PVR: variants seen among roughly 807,000 people sequenced by gnomAD.
PVR encodes poliovirus receptor.
In PVR, 39 loss-of-function variants were observed where a neutral mutation model predicts 43.3. The ratio of observed to expected loss-of-function variants is 0.90; its 90% CI spans 0.70 to 1.18. The LOEUF is 1.18. Among genes scored for constraint, PVR ranks in the 50% most tolerant of loss-of-function variants. PVR has a pLI of 0.00. For missense variants in PVR, 480 were observed against 549.7 expected, an observed-to-expected ratio of 0.87 and a Z score of 1.27; for synonymous variants, 224 against 233.2, an observed-to-expected ratio of 0.96 and a Z score of 0.36.
chr19:44,647,638 C>G (rs1215433283), intron 2 of PVR, 68 bp downstream of exon 2: 1 of 1,358,386 alleles, frequency 7.4e-7, no homozygotes, highest in Non-Finnish European at 1.0e-6. Flanking sequence ...GGGAAGTTGG[C>G]AAAGAGCGGG....
At chr19:44,657,110 G>A (rs562223079) in intron 4 of PVR, among the ~76,000 whole-genome samples, 60 of 152,272 alleles carry the variant, frequency 3.9e-4, no homozygotes, top group Admixed American at 1.8e-3. Context: ...TGAGCTCTGC[G>A]GGTGCCTAGG....
intron 1 of PVR, 99 bp from the exon 2 acceptor site, chr19:44,647,124 G>T: frequency 2.3e-6 from 1 of 438,770 alleles, no homozygotes; most frequent in Non-Finnish European, 3.5e-6. Flanking sequence ...CAGGGCCCCA[G>T]CGTGCAAGTG....
At position 44,648,567 on chromosome 19, in the gene PVR, G is replaced by C. The variant is rs575782280; in HGVS notation, c.427+997G>C. Among the ~76,000 whole-genome samples the C allele has an allele frequency of 7.2e-5, 11 of 152,058 alleles. No homozygotes were observed. In the South Asian group the frequency reaches 1.5e-3, roughly 20 times the overall value. On this transcript the variant is annotated intron_variant, in intron 2 of 7. Coordinates refer to ENST00000425690, the MANE Select transcript of PVR (RefSeq NM_006505.5). ...GTGATCATAGTAGGTCCTCACTGCA[G>C]CCTGGAACTCCTGGGCTCAAGGGAT...
chr19:44,647,241 C>A lies in PVR; in HGVS notation c.98C>A (p.Ala33Glu). ...PPGTGDVVVQ[A>E]PTQVPGFLGD... ...TCCGCAGGGGACGTCGTCGTGCAGG[C>A]GCCCACCCAGGTGCCCGGCTTCTTG... is the stretch of plus-strand genomic sequence containing the variant. The change falls in exon 2 of 8, where the codon GCG (alanine) becomes GAG (glutamate). Residue 33 changes from alanine (A) to glutamate (E), a missense_variant. Coordinates refer to ENST00000425690, the MANE Select transcript of PVR (RefSeq NM_006505.5). The A allele has an allele frequency of 6.5e-7, 1 of 1,546,302 alleles. No homozygotes were observed. The highest frequency in any genetic ancestry group is 8.7e-7 in the Non-Finnish European group (1 of 1,142,876).
intron 7 of PVR, 92 bp from the exon 8 acceptor site, chr19:44,661,648 C>T (rs1010273888): frequency 2.6e-6 from 3 of 1,147,420 alleles, no homozygotes; most frequent in Non-Finnish European, 3.9e-6. Context: ...AGGGGACGGG[C>T]CTGCAGTTCT....
At chr19:44,652,129 C>T (rs1973297946) in intron 3 of PVR, among the ~76,000 whole-genome samples, 1 of 152,186 alleles carries the variant, frequency 6.6e-6, no homozygotes, top group Admixed American at 6.5e-5. Context: ...GCACTCCAGC[C>T]TGGGCAGCAG....
chr19:44,658,808 T>C lies in PVR; in HGVS notation c.1058T>C (p.Leu353Pro), dbSNP rs1568505785. The C allele has an allele frequency of 1.2e-6, 2 of 1,613,934 alleles. No individual in the cohort carries two copies. The highest frequency in any genetic ancestry group is 1.1e-5 in the South Asian group (1 of 91,080). ...ATCATCTTCCTGGTTCTGGGAATCC[T>C]GGTTTTTCTGATCCTGCTGGGGATC... ...NAIIFLVLGI[L>P]VFLILLGIGI... Residue 353 changes from leucine (L) to proline (P), a missense_variant, in exon 6 of 8, where the codon CTG becomes CCG. Leu to Pro is a moderately conservative substitution (Grantham distance 98). Transcript: ENST00000425690.
Position 44,664,333 on chromosome 19 carries a change from C to T in PVR, c.*2522C>T, listed in dbSNP as rs1451949197. 2 of 152,038 alleles carry T rather than the reference C, an allele frequency of 1.3e-5. No individual in the cohort carries two copies. Among genetic ancestry groups the T allele is most frequent in the Admixed American group, 6.6e-5 (1 of 15,244 alleles). 9.4% of individuals were successfully genotyped at this position (152,038 alleles called of 1,614,324 possible). The stretch of plus-strand genomic sequence containing the variant: ...GGGCTATCCTTCCATCTCAGCCTCC[C>T]GAGTAGCTGGGACTATAGGTGGGCG... On this transcript the variant is annotated 3_prime_UTR_variant, in exon 8 of 8. Coordinates refer to ENST00000425690, the MANE Select transcript of PVR (RefSeq NM_006505.5).
At chr19:44,644,719 CTTTTT>C (rs11362724) in intron 1 of PVR, among the ~76,000 whole-genome samples, 1 of 135,938 alleles carries the variant, frequency 7.4e-6, no homozygotes, top group African/African-American at 2.7e-5. Flanking sequence ...TTCTTTCATT[CTTTTT>C]TTTTTTTTTT....
intron 1 of PVR, among the ~76,000 whole-genome samples, chr19:44,646,885 G>A (rs1251794907): frequency 6.6e-6 from 1 of 152,194 alleles, no homozygotes; most frequent in Non-Finnish European, 1.5e-5. Flanking sequence ...GACTTAAATG[G>A]TAAATTTAGT....
At position 44,662,645 on chromosome 19, in the gene PVR, A is replaced by C. The variant is rs714948; in HGVS notation, c.*834A>C. The stretch of plus-strand genomic sequence containing the variant: ...ACCACCCAGAGTGGCCCAAGACTCC[A>C]AGATCAGCTACCAGGCAGGATATTC... On this transcript the variant is annotated 3_prime_UTR_variant, in exon 8 of 8. Transcript: ENST00000425690. 141,060 of 152,318 alleles carry C rather than the reference A, an allele frequency of 0.93. 65,482 individuals carry two copies. The highest frequency in any genetic ancestry group is 1 in the East Asian group (5,179 of 5,180). The allele number at this position is 152,318 out of a possible 1,614,324, so 9.4% of individuals were successfully genotyped here.
intron 4 of PVR, among the ~76,000 whole-genome samples, chr19:44,657,345 ACT>A (rs1183749303): frequency 6.6e-6 from 1 of 152,118 alleles, no homozygotes; most frequent in African/African-American, 2.4e-5. Flanking sequence ...CTTCGGTTTA[ACT>A]CTGAGCCAGG....
At chr19:44,660,170 G>T (rs747093) in intron 6 of PVR, among the ~76,000 whole-genome samples, 1 of 152,170 alleles carries the variant, frequency 6.6e-6, no homozygotes, top group Admixed American at 6.5e-5. Context: ...TGTCATGACT[G>T]TGTCCCCAGG....
chr19:44,655,217 T>C (rs1043334570), intron 4 of PVR, among the ~76,000 whole-genome samples: 1 of 152,050 alleles, frequency 6.6e-6, no homozygotes, highest in African/African-American at 2.4e-5. Context: ...CCTGAGTAGC[T>C]GGGACTACAG....
intron 3 of PVR, among the ~76,000 whole-genome samples, chr19:44,652,573 G>A (rs568429289): frequency 3.3e-5 from 5 of 151,966 alleles, no homozygotes; most frequent in Non-Finnish European, 5.9e-5. Flanking sequence ...TGGTAGAGAC[G>A]GGATTTCACC....
In PVR at chr19:44,647,513, C is replaced by A; in HGVS notation, c.370C>A (p.Leu124Met). The stretch of plus-strand genomic sequence containing the variant: ...AGAGGATGAAGGCAACTACACCTGC[C>A]TGTTCGTCACGTTCCCGCAGGGCAG... The part of the protein sequence containing the change: ...RVEDEGNYTC[L>M]FVTFPQGSRS... Residue 124 changes from leucine to methionine, a missense_variant, in exon 2 of 8, where the codon CTG (leucine) becomes ATG (methionine). Physicochemically the swap from Leu to Met is conservative, Grantham distance 15. Coordinates refer to ENST00000425690, the MANE Select transcript of PVR (RefSeq NM_006505.5). 1 of 1,614,092 alleles carries A rather than the reference C, an allele frequency of 6.2e-7. No homozygotes were observed. Among genetic ancestry groups the A allele is most frequent in the Non-Finnish European group, 8.5e-7 (1 of 1,180,010 alleles).
Position 44,665,276 on chromosome 19 carries a change from C to G in PVR, c.*3465C>G, listed in dbSNP as rs1346887473. The G allele has an allele frequency of 6.6e-6, 1 of 152,258 alleles. No individual in the cohort carries two copies. Among genetic ancestry groups the G allele is most frequent in the Middle Eastern group, 3.4e-3 (1 of 294 alleles). The allele number at this position is 152,258 out of a possible 1,614,324, so 9.4% of individuals were successfully genotyped here. On this transcript the variant is annotated 3_prime_UTR_variant, in exon 8 of 8. Transcript: ENST00000425690. ...GTTGATACGATCTCACCTTGAGGAG[C>G]TGTGAGGTCCCAGAAGCCTCTGGGT...
intron 3 of PVR, among the ~76,000 whole-genome samples, chr19:44,651,839 C>G (rs1367753041): frequency 6.6e-6 from 1 of 152,186 alleles, no homozygotes; most frequent in African/African-American, 2.4e-5. Flanking sequence ...TTTAAATTCT[C>G]CAGCGGCCAC....
rs1324673097 is a variant in PVR at position 44,649,726 on chromosome 19, G to A, written c.428-83G>A. 4.2e-6 allele frequency: 6 copies of A among 1,443,076 alleles called. No individual in the cohort carries two copies. In the African/African-American group the frequency reaches 4.2e-5, roughly 10 times the overall value. The allele number at this position is 1,443,076 out of a possible 1,614,324, so 89.4% of individuals were successfully genotyped here. A position where few individuals can be genotyped will look rare whatever the true frequency, so the allele number is the denominator to read the frequency against. Reference sequence around the variant, plus strand: ...GTGAGCCACCCCGCCCAGCAACCATGCCATCCTGTACCCTTAATGAATGCC... The same window carrying A: ...GTGAGCCACCCCGCCCAGCAACCATACCATCCTGTACCCTTAATGAATGCC... On this transcript the variant is annotated intron_variant, in intron 2 of 7. Transcript: ENST00000425690.
Sources: allele counts gnomAD v4.1 joint callset (sites outside exome capture counted in the v4.1 genomes callset), GRCh38; gene constraint gnomAD v4.1.1; transcripts MANE v1.5; gene names NCBI Gene and HGNC (gene_info 2026-07-23, HGNC 2026-07-21).